Variants in VANGL2 observed in about 807,000 individuals in gnomAD.
The protein encoded by VANGL2 is vang-like protein 2.
In VANGL2, 14 loss-of-function variants were observed where a neutral mutation model predicts 50.2. The ratio of observed to expected loss-of-function variants is 0.28; its 90% CI spans 0.18 to 0.44. VANGL2 has a LOEUF of 0.44. Ranked by LOEUF, VANGL2 falls within the 20% of genes least tolerant of loss-of-function variation. VANGL2 has a pLI of 1.00. For missense variants in VANGL2, 533 were observed against 701.5 expected (o/e 0.76, Z 2.71); for synonymous variants, 295 against 297.2 (o/e 0.99, Z 0.08).
chr1:160,421,555 C>CT (rs1400949991), intron 6 of VANGL2, among the ~76,000 whole-genome samples: 1 of 152,094 alleles, frequency 6.6e-6, no homozygotes, highest in Non-Finnish European at 1.5e-5. Flanking sequence ...TGGTAGTGCA[C>CT]TTTTTTTTCC....
chr1:160,401,814 T>C (rs1408951860), intron 1 of VANGL2, among the ~76,000 whole-genome samples: 1 of 151,684 alleles, frequency 6.6e-6, no homozygotes, highest in African/African-American at 2.4e-5. Context: ...AAGAGCAGAA[T>C]GGAGTGTATG....
chr1:160,408,097 T>C (rs1471410180), intron 1 of VANGL2, among the ~76,000 whole-genome samples: 2 of 151,264 alleles, frequency 1.3e-5, no homozygotes, highest in Non-Finnish European at 2.9e-5. Context: ...CTATGGGACA[T>C]GAATGTGCAC....
chr1:160,416,104 C>T lies in VANGL2; in HGVS notation c.114C>T (p.Gly38=). The stretch of plus-strand genomic sequence containing the variant: ...ACCGCTCTAAGAGTCGAGATGGGGG[C>T]CGAGGGGACAAGTCGGTGACAATCC... ...DRHRSKSRDG[G]RGDKSVTIQA... The change falls in exon 3 of 8, where the codon GGC becomes GGT. Residue 38 remains glycine, a synonymous_variant. Coordinates refer to ENST00000368061, the MANE Select transcript of VANGL2 (RefSeq NM_020335.3). The T allele has an allele frequency of 6.2e-7, 1 of 1,614,206 alleles. No homozygotes were observed. The highest frequency in any genetic ancestry group is 8.5e-7 in the Non-Finnish European group (1 of 1,180,046).
At position 160,425,434 on chromosome 1, in the gene VANGL2, G is replaced by T; in HGVS notation, c.*56G>T. 1.9e-6 allele frequency: 2 copies of T among 1,057,412 alleles called. No homozygotes were observed. The highest frequency in any genetic ancestry group is 1.7e-5 in the South Asian group (1 of 59,564). The allele number at this position is 1,057,412 out of a possible 1,614,324, so 65.5% of individuals were successfully genotyped here. On this transcript the variant is annotated 3_prime_UTR_variant, in exon 8 of 8. Transcript: ENST00000368061. ...TGGGGGGTCCTGAGGGGGTGGGAGG[G>T]GGCTTGGTTCTCAGGCCCAGCCACA...
In VANGL2 at chr1:160,428,599, A is replaced by AT. The variant is rs1234580747; in HGVS notation, c.*3228dup. Reference sequence around the variant, plus strand: ...ATCTAAACATTACGGCAATTTTAGGATTTTTTTCTTAAACATAGGAACTAA... The same window carrying AT: ...ATCTAAACATTACGGCAATTTTAGGATTTTTTTTCTTAAACATAGGAACTAA... On this transcript the variant is annotated 3_prime_UTR_variant, in exon 8 of 8. Transcript: ENST00000368061. 3.3e-5 allele frequency: 5 copies of AT among 152,258 alleles called. No individual in the cohort carries two copies. Among genetic ancestry groups the AT allele is most frequent in the African/African-American group, 4.8e-5 (2 of 41,304 alleles). The allele number at this position is 152,258 out of a possible 1,614,324, so 9.4% of individuals were successfully genotyped here.
In VANGL2 at chr1:160,419,421, C is replaced by T; in HGVS notation, c.612C>T (p.Ile204=). The change falls in exon 4 of 8, where the codon ATC becomes ATT. Residue 204 remains isoleucine (I), a synonymous_variant. Coordinates refer to ENST00000368061, the MANE Select transcript of VANGL2 (RefSeq NM_020335.3). The surrounding 1 kb of genome is among the most constrained non-coding windows in gnomAD (Gnocchi z 5.8). Reference sequence around the variant, plus strand: ...ACTGGCTCTTCTATGGTGTGCGCATCCTGGATGCTCGGGAGCGCAGCTACC... The same window carrying T: ...ACTGGCTCTTCTATGGTGTGCGCATTCTGGATGCTCGGGAGCGCAGCTACC... ...VSYWLFYGVR[I]LDARERSYQG... is the part of the protein sequence containing the mutation. 4 of 1,612,060 alleles carry T rather than the reference C, an allele frequency of 2.5e-6. No homozygotes were observed. The highest frequency in any genetic ancestry group is 3.4e-6 in the Non-Finnish European group (4 of 1,180,018).
chr1:160,403,385 T>C (rs761161304), intron 1 of VANGL2, among the ~76,000 whole-genome samples: 5 of 152,198 alleles, frequency 3.3e-5, no homozygotes, highest in Non-Finnish European at 5.9e-5. Flanking sequence ...TACTTCCAGA[T>C]TGGGAGTCAG....
rs1367392126 is a variant in VANGL2 at position 160,427,826 on chromosome 1, T to A, written c.*2448T>A. ...CTTGACACCATAGGGCTGCTGTGGC[T>A]GGGCCTCACCAGCACTGTCTTTTGT... is the stretch of plus-strand genomic sequence containing the variant. On this transcript the variant is annotated 3_prime_UTR_variant, in exon 8 of 8. Coordinates refer to ENST00000368061, the MANE Select transcript of VANGL2 (RefSeq NM_020335.3). The A allele has an allele frequency of 2.0e-5, 3 of 152,630 alleles. No individual in the cohort carries two copies. The highest frequency in any genetic ancestry group is 7.2e-5 in the African/African-American group (3 of 41,404). The allele number at this position is 152,630 out of a possible 1,614,324, so 9.5% of individuals were successfully genotyped here.
rs1255361344 is a variant in VANGL2, at chr1:160,419,145, G to T, written c.336G>T (p.Gly112=). The T allele has an allele frequency of 6.2e-7, 1 of 1,614,106 alleles. No individual in the cohort carries two copies. Among genetic ancestry groups the T allele is most frequent in the Admixed American group, 1.7e-5 (1 of 60,024 alleles). Residue 112 remains glycine (G), a synonymous_variant, in exon 4 of 8, where the codon GGG becomes GGT. Transcript: ENST00000368061. The surrounding 1 kb of genome is among the most constrained non-coding windows in gnomAD (Gnocchi z 5.8). The stretch of plus-strand genomic sequence containing the variant: ...CCCGTCACCTGGGTGTGGCAGCGGG[G>T]GCCACCCTGGCACTGCTGTCTTTCC... The part of the protein sequence containing the change: ...DCSRHLGVAA[G]ATLALLSFLT...
intron 1 of VANGL2, among the ~76,000 whole-genome samples, chr1:160,414,295 C>T (rs914398183): frequency 6.6e-6 from 1 of 152,238 alleles, no homozygotes; most frequent in African/African-American, 2.4e-5. Context: ...ACCACCCACT[C>T]TCTTCCTCAA....
intron 3 of VANGL2, 126 bp from the exon 4 acceptor site, chr1:160,418,876 T>C (rs1053830125): frequency 2.4e-5 from 30 of 1,235,366 alleles, no homozygotes; most frequent in Non-Finnish European, 3.3e-5. Flanking sequence ...CTCTCTTCTT[T>C]CTGCCTTCTC....
At position 160,419,724 on chromosome 1, in the gene VANGL2, G is replaced by A; in HGVS notation, c.800+115G>A. ...CTGGAGGTGATGGGCTTGGAGGGTTGTGTGGGAGGGAGTTGAGTACTTTGC... is the reference window on the plus strand; with the variant it reads ...CTGGAGGTGATGGGCTTGGAGGGTTATGTGGGAGGGAGTTGAGTACTTTGC... On this transcript the variant is annotated intron_variant, in intron 4 of 7. Transcript: ENST00000368061. This position sits in a 1 kb window ranked among gnomAD's most constrained non-coding sequence, Gnocchi z 5.8. 1 of 1,439,126 alleles carries A rather than the reference G, an allele frequency of 6.9e-7. No homozygotes were observed. Among genetic ancestry groups the A allele is most frequent in the Non-Finnish European group, 9.2e-7 (1 of 1,087,156 alleles). The allele number at this position is 1,439,126 out of a possible 1,614,324, so 89.1% of individuals were successfully genotyped here. A position where few individuals can be genotyped will look rare whatever the true frequency, so the allele number is the denominator to read the frequency against.
At chr1:160,403,664 GA>G (rs5778162) in intron 1 of VANGL2, among the ~76,000 whole-genome samples, 52,036 of 152,042 alleles carry the variant, frequency 0.34, 9,136 homozygotes, top group South Asian at 0.48. Context: ...GAGTTTTAGG[GA>G]ACTCCAGTCT....
intron 6 of VANGL2, among the ~76,000 whole-genome samples, chr1:160,422,652 T>C (rs1166906377): frequency 6.6e-6 from 1 of 152,132 alleles, no homozygotes; most frequent in Non-Finnish European, 1.5e-5. Context: ...TTTATTTTGG[T>C]TTTTGGACTT....
intron 1 of VANGL2, among the ~76,000 whole-genome samples, chr1:160,403,574 C>T (rs1650556297): frequency 2.6e-5 from 4 of 152,154 alleles, no homozygotes; most frequent in Admixed American, 2.6e-4. Context: ...CATCTGGTTT[C>T]CAGGTCCTTC....
At position 160,426,371 on chromosome 1, in the gene VANGL2, C is replaced by T. The variant is rs984816792; in HGVS notation, c.*993C>T. ...AGCCACCCCTGTCCTGCCGCCTTCT[C>T]TCGACTCCAGAGACCTGTTGCCTCA... On this transcript the variant is annotated 3_prime_UTR_variant, in exon 8 of 8. Coordinates refer to ENST00000368061, the MANE Select transcript of VANGL2 (RefSeq NM_020335.3). The T allele has an allele frequency of 3.3e-5, 5 of 152,814 alleles. No individual in the cohort carries two copies. Among genetic ancestry groups the T allele is most frequent in the African/African-American group, 1.2e-4 (5 of 41,444 alleles). 9.5% of individuals were successfully genotyped at this position (152,814 alleles called of 1,614,324 possible). A position where few individuals can be genotyped will look rare whatever the true frequency, so the allele number is the denominator to read the frequency against.
intron 3 of VANGL2, among the ~76,000 whole-genome samples, chr1:160,417,975 G>A (rs925131951): frequency 7.5e-5 from 11 of 145,856 alleles, no homozygotes; most frequent in Non-Finnish European, 1.2e-4. Flanking sequence ...GCAATGGCAC[G>A]ATCTCTGCTC....
chr1:160,418,578 C>T (rs1225773300), intron 3 of VANGL2, among the ~76,000 whole-genome samples: 2 of 152,130 alleles, frequency 1.3e-5, no homozygotes, highest in African/African-American at 4.8e-5. Context: ...CTTGGAGCCC[C>T]CTTCCCCCAA....
In VANGL2 at chr1:160,423,910, TA is replaced by T. The variant is rs886952387; in HGVS notation, c.1074-141del. On this transcript the variant is annotated intron_variant, in intron 6 of 7. Coordinates refer to ENST00000368061, the MANE Select transcript of VANGL2 (RefSeq NM_020335.3). ...ACTGTTCCCAGTGGCAGAAAGGCACTATTGCCTCTGGCTTTGTATTACTTTG... is the reference window on the plus strand; with the variant it reads ...ACTGTTCCCAGTGGCAGAAAGGCACTTTGCCTCTGGCTTTGTATTACTTTG... 6.9e-5 allele frequency: 62 copies of T among 903,518 alleles called. No homozygotes were observed. In the Admixed American group the frequency reaches 1.2e-3, roughly 18 times the overall value. 56.0% of individuals were successfully genotyped at this position (903,518 alleles called of 1,614,324 possible). A position where few individuals can be genotyped will look rare whatever the true frequency, so the allele number is the denominator to read the frequency against.
Sources: allele counts gnomAD v4.1 joint callset (sites outside exome capture counted in the v4.1 genomes callset), GRCh38; gene constraint gnomAD v4.1.1; non-coding constraint Gnocchi (gnomAD v3.1); transcripts MANE v1.5; gene names NCBI Gene and HGNC (gene_info 2026-07-23, HGNC 2026-07-21).